Variants in NTN4 observed in about 807,000 individuals in gnomAD.
NTN4 encodes the protein netrin-4.
Under a neutral mutation model 73.6 loss-of-function variants are expected in NTN4, and 32 were observed. The ratio of observed to expected loss-of-function variants is 0.44; its 90% CI spans 0.33 to 0.58. The LOEUF (loss-of-function observed/expected upper bound fraction) is 0.58. Ranked by LOEUF, NTN4 falls within the 20% of genes least tolerant of loss-of-function variation. The pLI is 0.04. For missense variants in NTN4, 654 were observed against 798.3 expected (o/e 0.82, Z 2.18); for synonymous variants, 258 against 287.5 (o/e 0.90, Z 1.04).
intron 3 of NTN4, among the ~76,000 whole-genome samples, chr12:95,714,104 A>G (rs1193290920): frequency 6.6e-6 from 1 of 152,046 alleles, no homozygotes; most frequent in Admixed American, 6.6e-5. Flanking sequence ...TCAGAGTAAT[A>G]TAGGGTTTAT....
chr12:95,776,299 AAGCTGGATGG>A (rs2079091866), intron 2 of NTN4, among the ~76,000 whole-genome samples: 1 of 152,212 alleles, frequency 6.6e-6, no homozygotes, highest in Admixed American at 6.5e-5. Context: ...CAACAGAACA[AAGCTGGATGG>A]AGAATGACTT....
At chr12:95,784,271 G>C (rs963908953) in intron 2 of NTN4, among the ~76,000 whole-genome samples, 2 of 152,172 alleles carry the variant, frequency 1.3e-5, no homozygotes, top group Admixed American at 1.3e-4. Context: ...GGAGAGGAAG[G>C]CAATAATCAC....
At position 95,773,121 on chromosome 12, in the gene NTN4, C is replaced by T. The variant is rs770094256; in HGVS notation, c.585+13818G>A. ...GGGGTTCACGTTATTCTCATGCCTC[C>T]GCCTCCCGAGTAGCTGGAATTTCAG... On this transcript the variant is annotated intron_variant, in intron 2 of 9. Transcript: ENST00000343702. 5.9e-5 allele frequency among the ~76,000 whole-genome samples: 9 copies of T among 151,974 alleles called. No individual in the cohort carries two copies. In the South Asian group the frequency reaches 6.2e-4, roughly 11 times the overall value.
intron 2 of NTN4, among the ~76,000 whole-genome samples, chr12:95,773,117 C>T: frequency 6.6e-6 from 1 of 152,018 alleles, no homozygotes; most frequent in East Asian, 1.9e-4. Flanking sequence ...TATTCTCATG[C>T]CTCCGCCTCC....
At chr12:95,713,359 G>T in intron 3 of NTN4, 21 bp from the exon 4 acceptor site, 1 of 1,566,126 alleles carries the variant, frequency 6.4e-7, no homozygotes, top group South Asian at 1.2e-5. Context: ...CATCAAGTGA[G>T]AACTATGAGC....
chr12:95,700,488 C>T (rs2078476394), intron 5 of NTN4, among the ~76,000 whole-genome samples: 1 of 152,114 alleles, frequency 6.6e-6, no homozygotes. Context: ...CCTGGTGATT[C>T]TGACCCACAG....
intron 5 of NTN4, among the ~76,000 whole-genome samples, chr12:95,685,676 G>A (rs1288390802): frequency 6.6e-6 from 1 of 152,046 alleles, no homozygotes; most frequent in East Asian, 1.9e-4. Flanking sequence ...ATATCAGTTT[G>A]GCTTCAAATC....
intron 2 of NTN4, 95 bp from the exon 3 acceptor site, chr12:95,738,239 G>A (rs1335512165): frequency 9.5e-6 from 11 of 1,153,970 alleles, no homozygotes; most frequent in African/African-American, 3.1e-5. Context: ...TATGCCTTAT[G>A]TCATCTGTGA....
intron 3 of NTN4, among the ~76,000 whole-genome samples, chr12:95,715,317 T>G (rs1245838009): frequency 6.6e-6 from 1 of 152,178 alleles, no homozygotes; most frequent in Non-Finnish European, 1.5e-5. Context: ...GTTCTTTTAA[T>G]TCTCAGGGAT....
intron 5 of NTN4, among the ~76,000 whole-genome samples, chr12:95,686,556 C>T (rs1054859964): frequency 2.6e-5 from 4 of 151,588 alleles, no homozygotes; most frequent in African/African-American, 9.7e-5. Flanking sequence ...GTCAGGAGAT[C>T]GAGGCCAGCC....
intron 5 of NTN4, among the ~76,000 whole-genome samples, chr12:95,706,951 C>T (rs760119445): frequency 6.6e-6 from 1 of 152,082 alleles, no homozygotes; most frequent in Non-Finnish European, 1.5e-5. Flanking sequence ...TCTCAGGGTC[C>T]GAGAATTTAC....
intron 5 of NTN4, among the ~76,000 whole-genome samples, chr12:95,705,977 G>A (rs2078519517): frequency 6.6e-6 from 1 of 152,114 alleles, no homozygotes; most frequent in South Asian, 2.1e-4. Context: ...ACATTTTCAT[G>A]GATTGAAAAA....
At chr12:95,741,201 C>A (rs1444950025) in intron 2 of NTN4, among the ~76,000 whole-genome samples, 1 of 151,036 alleles carries the variant, frequency 6.6e-6, no homozygotes, top group African/African-American at 2.4e-5. Flanking sequence ...CTTCCAAGAC[C>A]CCCAAGGGAT....
At chr12:95,735,923 T>G (rs1483346644) in intron 3 of NTN4, among the ~76,000 whole-genome samples, 1 of 144,596 alleles carries the variant, frequency 6.9e-6, no homozygotes, top group African/African-American at 2.6e-5. Context: ...ATTTATTTAT[T>G]TATTTATTTA....
At chr12:95,741,203 C>T (rs1426225422) in intron 2 of NTN4, among the ~76,000 whole-genome samples, 1 of 150,964 alleles carries the variant, frequency 6.6e-6, no homozygotes, top group Non-Finnish European at 1.5e-5. Flanking sequence ...TCCAAGACCC[C>T]CAAGGGATGC....
intron 3 of NTN4, among the ~76,000 whole-genome samples, chr12:95,721,641 G>C (rs908624511): frequency 6.6e-6 from 1 of 152,138 alleles, no homozygotes; most frequent in African/African-American, 2.4e-5. Context: ...TATTAGATAC[G>C]ATCTGGTAAG....
intron 7 of NTN4, among the ~76,000 whole-genome samples, chr12:95,674,358 G>C (rs1565879723): frequency 6.6e-6 from 1 of 152,164 alleles, no homozygotes; most frequent in Non-Finnish European, 1.5e-5. Flanking sequence ...TCTATTGTTT[G>C]ATGACCTTTC....
At chr12:95,760,416 G>A (rs1004025875) in intron 2 of NTN4, among the ~76,000 whole-genome samples, 2 of 152,102 alleles carry the variant, frequency 1.3e-5, no homozygotes, top group Non-Finnish European at 2.9e-5. Flanking sequence ...TTTGTGTACA[G>A]ATCTCTGGAC....
chr12:95,694,528 C>G (rs7315564), intron 5 of NTN4, among the ~76,000 whole-genome samples: 15 of 151,960 alleles, frequency 9.9e-5, no homozygotes, highest in African/African-American at 3.6e-4. Flanking sequence ...TAAGAAGAAA[C>G]GACACAATTT....
Sources: gnomAD v4.1 joint callset for allele counts (sites outside exome capture counted in the v4.1 genomes callset) on GRCh38, gnomAD v4.1.1 for gene constraint, MANE v1.5 for transcripts, NCBI Gene and HGNC (gene_info 2026-07-23, HGNC 2026-07-21) for gene names.